The following GTF2A1L variants were observed in gnomAD, a reference collection of about 807,000 sequenced individuals.
GTF2A1L encodes the protein general transcription factor IIA subunit 1 like.
GTF2A1L carries 48 observed loss-of-function variants against 49.7 expected under a neutral mutation model. That is an observed-to-expected ratio of 0.97 (90% confidence interval 0.77 to 1.23). GTF2A1L has a LOEUF of 1.23. GTF2A1L is among the 50% of genes most tolerant of loss of function. The probability of loss-of-function intolerance (pLI) is 0.00; values close to 1 mark genes in which losing one functional copy is unlikely to be tolerated. For missense variants in GTF2A1L, 736 were observed against 564.8 expected (o/e 1.30, Z -3.07); for synonymous variants, 246 against 193.5 (o/e 1.27, Z -2.25).
intron 3 of GTF2A1L, among the ~76,000 whole-genome samples, chr2:48,623,116 T>C (rs1676101096): frequency 6.6e-6 from 1 of 152,204 alleles, no homozygotes; most frequent in Non-Finnish European, 1.5e-5. Context: ...AAAAGTGCTT[T>C]ATAGGCTTGT....
chr2:48,668,619 C>G (rs1291271860), intron 6 of GTF2A1L: 1 of 151,858 alleles, frequency 6.6e-6, no homozygotes, highest in Non-Finnish European at 1.5e-5. Context: ...ATCACGAGGT[C>G]AGCAGATCTA....
chr2:48,669,588 T>C (rs1341740136), intron 6 of GTF2A1L, 134 bp from the exon 7 acceptor site: 4 of 1,075,608 alleles, frequency 3.7e-6, no homozygotes, highest in African/African-American at 1.6e-5. Flanking sequence ...AATTCAAAGT[T>C]AGATTTTAAT....
chr2:48,644,766 C>T (rs1278117501), intron 4 of GTF2A1L, among the ~76,000 whole-genome samples: 1 of 152,118 alleles, frequency 6.6e-6, no homozygotes, highest in Non-Finnish European at 1.5e-5. Flanking sequence ...ATGTCTTGGG[C>T]AAGTTTTTTG....
Position 48,671,583 on chromosome 2 carries a change from G to C in GTF2A1L, c.1240-8G>C. 1 of 1,609,336 alleles carries C rather than the reference G, an allele frequency of 6.2e-7. No homozygotes were observed. Among genetic ancestry groups the C allele is most frequent in the South Asian group, 1.1e-5 (1 of 89,580 alleles). On this transcript the variant is annotated splice_region_variant and splice_polypyrimidine_tract_variant and intron_variant, in intron 7 of 8. Transcript: ENST00000403751. ...AAATTCCTTAATGTGATCATCTTTC[G>C]TCTTTAGGACCCTTTAAATTCTGGA...
intron 8 of GTF2A1L, among the ~76,000 whole-genome samples, chr2:48,676,368 G>T (rs561729381): frequency 6.6e-6 from 1 of 151,614 alleles, no homozygotes; most frequent in Non-Finnish European, 1.5e-5. Context: ...CCCAGAAATG[G>T]GATTCTGGGT....
Position 48,670,019 on chromosome 2 carries a change from A to C in GTF2A1L, c.1239+37A>C, listed in dbSNP as rs1262385014. 3.2e-6 allele frequency: 5 copies of C among 1,564,142 alleles called. No individual in the cohort carries two copies. The East Asian group carries it at 1.1e-4, about 35-fold the overall frequency. ...TTTTGAGCTGAGACTTCCTTTATTA[A>C]TTTATAACATTTCTACTTTATTATG... On this transcript the variant is annotated intron_variant, in intron 7 of 8. Transcript: ENST00000403751.
intron 6 of GTF2A1L, among the ~76,000 whole-genome samples, chr2:48,651,903 TA>T (rs1174157906): frequency 6.6e-6 from 1 of 152,172 alleles, no homozygotes; most frequent in Non-Finnish European, 1.5e-5. Context: ...CGTTTGGCTA[TA>T]TGAAAGACTT....
intron 3 of GTF2A1L, among the ~76,000 whole-genome samples, chr2:48,636,642 T>C (rs1676903298): frequency 6.6e-6 from 1 of 152,238 alleles, no homozygotes; most frequent in African/African-American, 2.4e-5. Context: ...GTTTTGACCT[T>C]ATAAACACCC....
intron 8 of GTF2A1L, among the ~76,000 whole-genome samples, chr2:48,673,564 G>A (rs914960302): frequency 2.6e-5 from 4 of 151,826 alleles, no homozygotes; most frequent in African/African-American, 7.3e-5. Context: ...GGGTTTCACC[G>A]TGTTAGCCAG....
At chr2:48,642,641 G>C (rs1415139386) in intron 4 of GTF2A1L, among the ~76,000 whole-genome samples, 184 bp downstream of exon 4, 1 of 152,118 alleles carries the variant, frequency 6.6e-6, no homozygotes, top group African/African-American at 2.4e-5. Context: ...GATTGCCTGA[G>C]ATCAGGAGTT....
chr2:48,633,599 A>T lies in GTF2A1L; in HGVS notation c.248-8803A>T, dbSNP rs115639935. Among the ~76,000 whole-genome samples, 579 of 152,338 alleles carry T rather than the reference A, an allele frequency of 3.8e-3. 1 individual carries two copies. The highest frequency in any genetic ancestry group is 6.4e-3 in the Non-Finnish European group (433 of 68,032). ...GGAGTATGTTCCATGTGCAGATGAG[A>T]AAAGTATTGTTCTATGGCCAATGGG... On this transcript the variant is annotated intron_variant, in intron 3 of 8. Transcript: ENST00000403751.
At chr2:48,676,785 T>C (rs1679488504) in intron 8 of GTF2A1L, among the ~76,000 whole-genome samples, 1 of 151,678 alleles carries the variant, frequency 6.6e-6, no homozygotes, top group South Asian at 2.1e-4. Flanking sequence ...GCTCATGTTT[T>C]CTTCAAGTAT....
At position 48,633,259 on chromosome 2, in the gene GTF2A1L, C is replaced by T. The variant is rs370901461; in HGVS notation, c.248-9143C>T. 1.7e-3 allele frequency: 274 copies of T among 163,656 alleles called. 1 individual carries two copies. The highest frequency in any genetic ancestry group is 5.8e-3 in the African/African-American group (243 of 41,774). 10.1% of individuals were successfully genotyped at this position (163,656 alleles called of 1,614,324 possible). A position where few individuals can be genotyped will look rare whatever the true frequency, so the allele number is the denominator to read the frequency against. On this transcript the variant is annotated intron_variant, in intron 3 of 8. Coordinates refer to ENST00000403751, the MANE Select transcript of GTF2A1L (RefSeq NM_006872.5). ...CTGACTATCTTCTTCCCCACCCCCC[C>T]GTCCCACTTCCAGGCACAGCCAGTC...
chr2:48,675,784 A>G (rs1422088078), intron 8 of GTF2A1L, among the ~76,000 whole-genome samples: 2 of 151,864 alleles, frequency 1.3e-5, no homozygotes, highest in African/African-American at 2.4e-5. Flanking sequence ...ATGCTATACA[A>G]TGATTAATTT....
At position 48,618,008 on chromosome 2, in the gene GTF2A1L, C is replaced by T. The variant is rs916143482; in HGVS notation, c.21+113C>T. The T allele has an allele frequency of 7.3e-5, 78 of 1,073,004 alleles. No individual in the cohort carries two copies. In the Admixed American group the frequency reaches 1.9e-3, roughly 27 times the overall value. The allele number at this position is 1,073,004 out of a possible 1,614,324, so 66.5% of individuals were successfully genotyped here. A position where few individuals can be genotyped will look rare whatever the true frequency, so the allele number is the denominator to read the frequency against. ...TGACACTTTACAGATTGTCATAAAC[C>T]CTCTCTCTTCCTTAGGGGCTGGGGC... On this transcript the variant is annotated intron_variant, in intron 1 of 8. Transcript: ENST00000403751.
rs1252023282 is a variant in GTF2A1L at position 48,629,127 on chromosome 2, G to A, written c.247+7837G>A. Among the ~76,000 whole-genome samples the A allele has an allele frequency of 5.6e-5, 8 of 142,984 alleles. 1 individual carries two copies. The highest frequency in any genetic ancestry group is 1.1e-4 in the Non-Finnish European group (7 of 63,578). The allele number at this position is 142,984 out of a possible 152,430, so 93.8% of individuals were successfully genotyped here. ...TTGGTGGTGCGTGCCTGTAATCCCA[G>A]CTGCTCAGGAGGCTGAGGCAGGAGA... is the stretch of plus-strand genomic sequence containing the variant. On this transcript the variant is annotated intron_variant, in intron 3 of 8. Transcript: ENST00000403751.
intron 8 of GTF2A1L, among the ~76,000 whole-genome samples, chr2:48,677,976 TGG>T (rs1234386655): frequency 1.6e-5 from 1 of 63,516 alleles, no homozygotes; most frequent in African/African-American, 4.3e-5. Flanking sequence ...AACTCTGAGA[TGG>T]GTGTGTGTGT....
chr2:48,671,615 G>A lies in GTF2A1L; in HGVS notation c.1264G>A (p.Val422Ile), dbSNP rs1262076420. ...GGACCCTTTAAATTCTGGAGATGAT[G>A]TTAGTGAACAGGATGTGCCAGACCT... ...EEDPLNSGDD[V>I]SEQDVPDLFD... is the part of the protein sequence containing the mutation. The change falls in exon 8 of 9, where the codon GTT (valine) becomes ATT (isoleucine). Residue 422 changes from valine (V) to isoleucine (I), a missense_variant. Coordinates refer to ENST00000403751, the MANE Select transcript of GTF2A1L (RefSeq NM_006872.5). The A allele has an allele frequency of 1.2e-6, 2 of 1,613,436 alleles. No homozygotes were observed. Among genetic ancestry groups the A allele is most frequent in the East Asian group, 4.5e-5 (2 of 44,862 alleles).
At chr2:48,644,070 C>T (rs1469405917) in intron 4 of GTF2A1L, among the ~76,000 whole-genome samples, 1 of 152,140 alleles carries the variant, frequency 6.6e-6, no homozygotes, top group Non-Finnish European at 1.5e-5. Context: ...ACTTGAGAGG[C>T]TGAGGCAAAA....
Sources: allele counts gnomAD v4.1 joint callset (sites outside exome capture counted in the v4.1 genomes callset), GRCh38; gene constraint gnomAD v4.1.1; transcripts MANE v1.5; gene names NCBI Gene and HGNC (gene_info 2026-07-23, HGNC 2026-07-21).